HIP1: variants seen among roughly 807,000 people sequenced by gnomAD.
HIP1 encodes the protein huntingtin-interacting protein 1.
Under a neutral mutation model 147.6 loss-of-function variants are expected in HIP1, and 65 were observed. The ratio of observed to expected loss-of-function variants is 0.44; its 90% CI spans 0.36 to 0.54. The LOEUF is 0.54. HIP1 is among the 20% of genes least tolerant of loss of function. The pLI is 0.00. For missense variants in HIP1, 1,061 were observed against 1,299.6 expected (o/e 0.82, Z 2.82); for synonymous variants, 479 against 504.0 (o/e 0.95, Z 0.67).
intron 4 of HIP1, among the ~76,000 whole-genome samples, chr7:75,587,815 T>G (rs782186348): frequency 1.3e-5 from 2 of 152,212 alleles, no homozygotes; most frequent in African/African-American, 4.8e-5. Context: ...AATTAAAAAA[T>G]TAGCTGGGCA....
chr7:75,685,086 G>A (rs193074830), intron 1 of HIP1, among the ~76,000 whole-genome samples: 88 of 151,752 alleles, frequency 5.8e-4, no homozygotes, highest in Admixed American at 1.5e-3. Context: ...GCGAGACTCC[G>A]TCTCAAAAAA....
chr7:75,560,906 A>G (rs1244396077), intron 13 of HIP1, among the ~76,000 whole-genome samples: 1 of 151,298 alleles, frequency 6.6e-6, no homozygotes, highest in East Asian at 1.9e-4. Flanking sequence ...GTTTCTACTA[A>G]TTAACCTACC....
chr7:75,588,670 A>C (rs932457969), intron 4 of HIP1, among the ~76,000 whole-genome samples: 1 of 151,990 alleles, frequency 6.6e-6, no homozygotes, highest in Admixed American at 6.6e-5. Context: ...GCTACTTGGA[A>C]GGCTGAGGTG....
chr7:75,553,972 C>T (rs587667405), intron 21 of HIP1, 141 bp downstream of exon 21: 10 of 620,180 alleles, frequency 1.6e-5, no homozygotes, highest in South Asian at 7.7e-5. Context: ...CTTGAACTCC[C>T]GACCTCAAGT....
chr7:75,595,298 C>CTCTTTCTTTCTT (rs1554501767), intron 2 of HIP1, among the ~76,000 whole-genome samples: 1 of 112,516 alleles, frequency 8.9e-6, no homozygotes, highest in African/African-American at 3.9e-5. Context: ...CTTTCTTTCT[C>CTCTTTCTTTCTT]TCTCTCCCTT....
intron 1 of HIP1, among the ~76,000 whole-genome samples, chr7:75,599,530 A>T (rs1341065397): frequency 6.6e-6 from 1 of 152,114 alleles, no homozygotes; most frequent in Non-Finnish European, 1.5e-5. Context: ...GCACAACAAC[A>T]TGGCAATTAA....
At chr7:75,641,230 T>C (rs1359481460) in intron 1 of HIP1, among the ~76,000 whole-genome samples, 1 of 152,014 alleles carries the variant, frequency 6.6e-6, no homozygotes, top group African/African-American at 2.4e-5. Context: ...CGCTTGAGCA[T>C]GGGAGGCAGA....
At chr7:75,668,259 C>T (rs1554514812) in intron 1 of HIP1, among the ~76,000 whole-genome samples, 1 of 152,186 alleles carries the variant, frequency 6.6e-6, no homozygotes, top group Non-Finnish European at 1.5e-5. Flanking sequence ...CGGGGAGTGT[C>T]CCTCCTCCTG....
chr7:75,589,906 A>AT (rs1363569083), intron 4 of HIP1, among the ~76,000 whole-genome samples: 7 of 151,140 alleles, frequency 4.6e-5, no homozygotes, highest in African/African-American at 7.3e-5. Context: ...AATTTTCTGT[A>AT]TTTTTTTAGT....
At chr7:75,661,087 C>T (rs1232674622) in intron 1 of HIP1, among the ~76,000 whole-genome samples, 7 of 151,644 alleles carry the variant, frequency 4.6e-5, no homozygotes, top group Admixed American at 1.3e-4. Flanking sequence ...AAGACTAGCC[C>T]GGGCAACATG....
chr7:75,733,113 T>C (rs1801890079), intron 1 of HIP1, among the ~76,000 whole-genome samples: 1 of 152,230 alleles, frequency 6.6e-6, no homozygotes, highest in African/African-American at 2.4e-5. Context: ...TGTCCTGTGA[T>C]TGACAGCCCT....
chr7:75,552,035 G>A (rs371469906), intron 22 of HIP1, among the ~76,000 whole-genome samples: 65 of 152,116 alleles, frequency 4.3e-4, no homozygotes, highest in African/African-American at 1.4e-3. Context: ...GATTACAGGC[G>A]CCTACCATCA....
rs79535249 is a variant in HIP1, at chr7:75,733,187, C to G, written c.120+5614G>C. On this transcript the variant is annotated intron_variant, in intron 1 of 30. Coordinates refer to ENST00000336926, the MANE Select transcript of HIP1 (RefSeq NM_005338.7). ...GGACAGTGTGGTCGAACGGGCCTGA[C>G]ACTTGGAACCTGGAGTCCTGGTTTT... Among the ~76,000 whole-genome samples, 443 of 152,246 alleles carry G rather than the reference C, an allele frequency of 2.9e-3. 3 individuals are homozygous for G. The highest frequency in any genetic ancestry group is 4.5e-3 in the Non-Finnish European group (308 of 68,026).
At chr7:75,592,619 A>G (rs1796540462) in intron 2 of HIP1, 105 bp from the exon 3 acceptor site, 4 of 1,204,250 alleles carry the variant, frequency 3.3e-6, no homozygotes, top group East Asian at 2.5e-5. Flanking sequence ...CCCAGCCATC[A>G]CAGGGGATAG....
intron 1 of HIP1, among the ~76,000 whole-genome samples, chr7:75,711,061 G>A (rs1359836350): frequency 2.6e-5 from 4 of 152,036 alleles, no homozygotes; most frequent in African/African-American, 9.7e-5. Context: ...CACTATCTGT[G>A]GCAATATTGT....
At chr7:75,655,875 T>C (rs2117199007) in intron 1 of HIP1, among the ~76,000 whole-genome samples, 1 of 152,242 alleles carries the variant, frequency 6.6e-6, no homozygotes, top group South Asian at 2.1e-4. Context: ...ATCCCAGCAC[T>C]CTGGGAGGAC....
chr7:75,640,953 A>G (rs1263526454), intron 1 of HIP1, among the ~76,000 whole-genome samples: 2 of 151,850 alleles, frequency 1.3e-5, no homozygotes, highest in South Asian at 2.1e-4. Flanking sequence ...CTGAGTTCTT[A>G]TCGATGAAAT....
intron 14 of HIP1, among the ~76,000 whole-genome samples, chr7:75,559,447 A>G (rs1340776498): frequency 3.3e-5 from 5 of 151,786 alleles, no homozygotes; most frequent in African/African-American, 1.2e-4. Flanking sequence ...TAGGACCTCA[A>G]TCCTCTCTCC....
chr7:75,568,414 C>T lies in HIP1; in HGVS notation c.746-158G>A, dbSNP rs1795491443. ...CTAGAGCTGTCCCGAGGTCTGGTAA[C>T]CAAGGGAGCCCAGCAGGAACCAGCA... On this transcript the variant is annotated intron_variant, in intron 8 of 30. Transcript: ENST00000336926. This position sits in a 1 kb window ranked among gnomAD's most constrained non-coding sequence, Gnocchi z 4.1. Among the ~76,000 whole-genome samples the T allele has an allele frequency of 6.6e-6, 1 of 152,142 alleles. No individual in the cohort carries two copies. The highest frequency in any genetic ancestry group is 1.9e-4 in the East Asian group (1 of 5,196).
Sources: gnomAD v4.1 joint callset for allele counts (sites outside exome capture counted in the v4.1 genomes callset) on GRCh38, gnomAD v4.1.1 for gene constraint, Gnocchi (gnomAD v3.1) non-coding constraint, MANE v1.5 for transcripts, NCBI Gene and HGNC (gene_info 2026-07-23, HGNC 2026-07-21) for gene names.